Variants in INTS6 observed in about 807,000 individuals in gnomAD.
INTS6 encodes integrator complex subunit 6, also known as DEAD box protein.
Under a neutral mutation model 104.9 loss-of-function variants are expected in INTS6, and 16 were observed. The ratio of observed to expected loss-of-function variants is 0.15; its 90% CI spans 0.10 to 0.23. The LOEUF (loss-of-function observed/expected upper bound fraction) is 0.23, where lower values mean the gene tolerates loss of function less well. INTS6 is among the 10% of genes least tolerant of loss of function. INTS6 has a pLI of 1.00. For synonymous variants in INTS6, 324 were observed against 358.7 expected, an observed-to-expected ratio of 0.90 and a Z score of 1.09; for missense variants, 584 against 1,062.8, an observed-to-expected ratio of 0.55 and a Z score of 6.26.
chr13:51,335,145 G>A, the INTS6 span, among the ~76,000 whole-genome samples: 1 of 152,024 alleles, frequency 6.6e-6, no homozygotes, highest in Non-Finnish European at 1.5e-5. Flanking sequence ...CAGTGGCAAA[G>A]AACAATATAA....
At chr13:51,370,655 A>G (rs4942996) in intron 15 of INTS6, among the ~76,000 whole-genome samples, 6,963 of 152,292 alleles carry the variant, frequency 0.046, 183 homozygotes, top group East Asian at 0.1. Flanking sequence ...GCTGGACAGG[A>G]TAACTGCACG....
At chr13:51,383,811 T>A in intron 7 of INTS6, 70 bp from the exon 8 acceptor site, 1 of 1,351,228 alleles carries the variant, frequency 7.4e-7, no homozygotes, top group Non-Finnish European at 1.0e-6. Flanking sequence ...TTCCTCATTA[T>A]CAAAATTTAC....
chr13:51,350,350 C>G (rs931429834), downstream of INTS6, among the ~76,000 whole-genome samples: 1 of 152,074 alleles, frequency 6.6e-6, no homozygotes. Context: ...AAGGAATAAT[C>G]AAGAAAACCA....
At chr13:51,383,928 A>G (rs1490230702) in intron 7 of INTS6, 187 bp from the exon 8 acceptor site, 19 of 400,262 alleles carry the variant, frequency 4.7e-5, no homozygotes, top group Non-Finnish European at 7.4e-5. Flanking sequence ...AATATTCACA[A>G]CAAAAAGATA....
chr13:51,344,837 A>G, the INTS6 span, among the ~76,000 whole-genome samples: 2 of 152,202 alleles, frequency 1.3e-5, no homozygotes, highest in African/African-American at 4.8e-5. Flanking sequence ...GCTCTCATTT[A>G]TAATAAACCA....
chr13:51,434,873 GT>G (rs1957158690), intron 3 of INTS6, among the ~76,000 whole-genome samples: 2 of 152,000 alleles, frequency 1.3e-5, no homozygotes, highest in Non-Finnish European at 2.9e-5. Context: ...AAAAAATAAA[GT>G]TTTAACACCT....
chr13:51,361,162 C>T (rs1955568485), downstream of INTS6: 2 of 651,724 alleles, frequency 3.1e-6, no homozygotes, highest in East Asian at 2.8e-5. Context: ...CCTAGCTACA[C>T]AGTAAGCAGC....
the INTS6 span, among the ~76,000 whole-genome samples, chr13:51,338,071 T>C: frequency 6.6e-6 from 1 of 152,202 alleles, no homozygotes; most frequent in African/African-American, 2.4e-5. Context: ...GAAGGATGCT[T>C]CTTAAAAGCA....
rs1192693477 is a variant in INTS6 at position 51,378,366 on chromosome 13, C to T, written c.1475G>A (p.Gly492Asp). 3.7e-6 allele frequency: 6 copies of T among 1,613,354 alleles called. No homozygotes were observed. In the South Asian group the frequency reaches 6.6e-5, roughly 18 times the overall value. The change falls in exon 12 of 18, where the codon GGT becomes GAT. Residue 492 changes from glycine (G) to aspartate (D), a missense_variant. Around this residue, in one of 5 missense-constraint regions of INTS6, gnomAD observed 74 missense variants for 64.4 expected, o/e 1.15. Coordinates refer to ENST00000311234, the MANE Select transcript of INTS6 (RefSeq NM_012141.3). ...TGIKVRSRSHGLSMAYRKDFQ... is the reference protein window; with the variant it reads ...TGIKVRSRSHDLSMAYRKDFQ... ...ATCTTTCCTATATGCCATTGATAAA[C>T]CATGTGATCGGCTCCGGACTTTTAT...
chr13:51,359,117 T>G (rs1430930638), downstream of INTS6, among the ~76,000 whole-genome samples: 1 of 152,044 alleles, frequency 6.6e-6, no homozygotes, highest in East Asian at 1.9e-4. Context: ...GAGAACAACT[T>G]TTGGGAAAAT....
At chr13:51,382,225 G>GA in intron 9 of INTS6, 102 bp from the exon 10 acceptor site, 1 of 566,926 alleles carries the variant, frequency 1.8e-6, no homozygotes, top group Non-Finnish European at 3.0e-6. Context: ...TGTTATTTTT[G>GA]AGAGAGTAAC....
In INTS6 at chr13:51,452,537, G is replaced by A. The variant is rs1014046263; in HGVS notation, c.-12C>T. 2 of 1,609,330 alleles carry A rather than the reference G, an allele frequency of 1.2e-6. No homozygotes were observed. The highest frequency in any genetic ancestry group is 1.7e-6 in the Non-Finnish European group (2 of 1,177,162). On this transcript the variant is annotated 5_prime_UTR_variant, in exon 1 of 18. Transcript: ENST00000311234. This position sits in a 1 kb window ranked among gnomAD's most constrained non-coding sequence, Gnocchi z 4.2. ...AGTAAGATGGGCATAGTGCTGGCCGGGGACACCGGGGCCCGAGGTGGTGGA... is the reference window on the plus strand; with the variant it reads ...AGTAAGATGGGCATAGTGCTGGCCGAGGACACCGGGGCCCGAGGTGGTGGA...
intron 4 of INTS6, among the ~76,000 whole-genome samples, chr13:51,401,995 AT>A (rs1245391300): frequency 6.6e-6 from 1 of 152,162 alleles, no homozygotes; most frequent in African/African-American, 2.4e-5. Flanking sequence ...CAATCTAGTG[AT>A]TTTAAGTCCT....
chr13:51,344,317 G>A, the INTS6 span: 23 of 1,613,840 alleles, frequency 1.4e-5, no homozygotes, highest in Admixed American at 1.2e-4. Context: ...CCAAGGCACC[G>A]AGATGGAGCT....
chr13:51,431,898 T>C (rs894097879), intron 3 of INTS6, among the ~76,000 whole-genome samples: 3 of 152,150 alleles, frequency 2.0e-5, no homozygotes, highest in Non-Finnish European at 2.9e-5. Flanking sequence ...AATATTCATG[T>C]TAAAAAGAAC....
the INTS6 span, chr13:51,335,820 T>A: frequency 6.6e-6 from 1 of 152,256 alleles, no homozygotes; most frequent in Admixed American, 6.5e-5. Context: ...AAAAACGTAG[T>A]GTTTACTCAA....
intron 7 of INTS6, 109 bp from the exon 8 acceptor site, chr13:51,383,850 T>A: frequency 1.2e-6 from 1 of 847,222 alleles, no homozygotes; most frequent in Non-Finnish European, 1.8e-6. Flanking sequence ...TAGTAAGAGT[T>A]TGATTTACTG....
intron 7 of INTS6, among the ~76,000 whole-genome samples, 183 bp downstream of exon 7, chr13:51,387,203 T>C (rs1956156441): frequency 6.6e-6 from 1 of 152,160 alleles, no homozygotes; most frequent in South Asian, 2.1e-4. Context: ...TACTTCATAA[T>C]AAACAAAGTA....
At chr13:51,340,909 G>T in the INTS6 span, 1 of 631,424 alleles carries the variant, frequency 1.6e-6, no homozygotes, top group Non-Finnish European at 2.7e-6. Flanking sequence ...CTGCAGCCCA[G>T]ACGGCTGGGC....
Sources: allele counts gnomAD v4.1 joint callset (sites outside exome capture counted in the v4.1 genomes callset), GRCh38; gene constraint gnomAD v4.1.1; regional missense constraint gnomAD v4.1.1; non-coding constraint Gnocchi (gnomAD v3.1); transcripts MANE v1.5; gene names NCBI Gene and HGNC (gene_info 2026-07-23, HGNC 2026-07-21).